TEX101: variants seen among roughly 807,000 people sequenced by gnomAD.
TEX101 encodes the protein testis-expressed protein 101.
TEX101 carries 10 observed loss-of-function variants against 18.1 expected under a neutral mutation model. The ratio of observed to expected loss-of-function variants is 0.55; its 90% CI spans 0.34 to 0.94. The LOEUF is 0.94. Among genes scored for constraint, TEX101 ranks in the 40% least tolerant of loss-of-function variants. The pLI, the probability that TEX101 is intolerant of heterozygous loss-of-function variation, is 0.02. For missense variants in TEX101, 259 were observed against 298.9 expected (o/e 0.87, Z 0.98); for synonymous variants, 94 against 114.8 (o/e 0.82, Z 1.16).
intron 3 of TEX101, among the ~76,000 whole-genome samples, chr19:43,407,562 G>A (rs1305369490): frequency 6.6e-6 from 1 of 152,180 alleles, no homozygotes; most frequent in Non-Finnish European, 1.5e-5. Flanking sequence ...GAGACAGGTT[G>A]ATTTCACGCT....
At position 43,418,336 on chromosome 19, in the gene TEX101, CT is replaced by C; in HGVS notation, c.690del (p.Val231PhefsTer48). ...AATGGGGCCACCTGTCTTCCCATTC[CT>C]GTTTGGGGGTTACAGCTACTGCTGC... ...TENGATCLPI[P>X]VWGLQLLLPL... On this transcript the variant is annotated frameshift_variant, in exon 6 of 6. Transcript: ENST00000598265. LOFTEE classifies it low-confidence loss of function (END_TRUNC). The C allele has an allele frequency of 6.2e-7, 1 of 1,614,164 alleles. No homozygotes were observed.
intron 3 of TEX101, among the ~76,000 whole-genome samples, chr19:43,407,532 G>A (rs1037299592): frequency 6.6e-6 from 1 of 152,066 alleles, no homozygotes; most frequent in African/African-American, 2.4e-5. Context: ...AAGAAAGCCG[G>A]AGCTGGGATT....
upstream of TEX101, among the ~76,000 whole-genome samples, chr19:43,414,337 G>T (rs1970447680): frequency 6.6e-6 from 1 of 152,106 alleles, no homozygotes; most frequent in South Asian, 2.1e-4. Context: ...TGATGCTGAG[G>T]GGGGCATTCC....
In TEX101 at chr19:43,418,250, A is replaced by G. The variant is rs553542181; in HGVS notation, c.603A>G (p.Gly201=). Residue 201 remains glycine (G), a synonymous_variant, in exon 6 of 6, where the codon GGA becomes GGG. Transcript: ENST00000598265. The part of the protein sequence containing the change: ...CRLMSGILAV[G]PMFVREACPH... ...TGATGTCTGGAATCTTAGCAGTAGG[A>G]CCCATGTTTGTGAGGGAAGCGTGCC... 1.5e-5 allele frequency: 25 copies of G among 1,614,164 alleles called. No individual in the cohort carries two copies. The South Asian group carries it at 2.7e-4, about 18-fold the overall frequency.
chr19:43,412,540 G>T (rs1256664053), upstream of TEX101, among the ~76,000 whole-genome samples: 3 of 152,130 alleles, frequency 2.0e-5, no homozygotes. Flanking sequence ...GGGTGCTTAG[G>T]CTTCCAAGGT....
At chr19:43,397,875 A>ATAT (rs1970283267), upstream of TEX101, among the ~76,000 whole-genome samples, 1 of 83,736 alleles carries the variant, frequency 1.2e-5, no homozygotes, top group African/African-American at 5.0e-5. Context: ...ATAATATATA[A>ATAT]AAATATATAT....
Position 43,417,909 on chromosome 19 carries a change from A to C in TEX101, c.423A>C (p.Pro141=). The change falls in exon 5 of 6, where the codon CCA becomes CCC. Residue 141 remains proline (P), a synonymous_variant. Transcript: ENST00000598265. The stretch of plus-strand genomic sequence containing the variant: ...CTGTGTCAACAACCCTCCATTGTCC[A>C]ACCTGTGTGGCTTTGGGGACCTGTT... ...ASTVSTTLHC[P]TCVALGTCFS... The C allele has an allele frequency of 1.2e-6, 2 of 1,614,020 alleles. No individual in the cohort carries two copies. Among genetic ancestry groups the C allele is most frequent in the Non-Finnish European group, 1.7e-6 (2 of 1,179,980 alleles).
intron 2 of TEX101, 38 bp from the exon 3 acceptor site, chr19:43,416,061 A>C: frequency 1.9e-6 from 3 of 1,608,978 alleles, no homozygotes; most frequent in Non-Finnish European, 2.5e-6. Flanking sequence ...GCCTTGGCCC[A>C]TGGAGAAGTG....
upstream of TEX101, among the ~76,000 whole-genome samples, chr19:43,400,342 G>C (rs1970308476): frequency 6.6e-6 from 1 of 152,156 alleles, no homozygotes; most frequent in Admixed American, 6.5e-5. Flanking sequence ...GCTAGAAAAA[G>C]ACATACTTTT....
At position 43,416,231 on chromosome 19, in the gene TEX101, T is replaced by C; in HGVS notation, c.197T>C (p.Ile66Thr). ...KGALCQETIL[I>T]IKAGTETAIL... ...GCACTTTGCCAGGAAACCATACTAA[T>C]AATTAAAGCAGGTGAAATGAGATGG... The change falls in exon 3 of 6, where the codon ATA becomes ACA. Residue 66 changes from isoleucine (I) to threonine (T), a missense_variant. Physicochemically the swap from Ile to Thr is moderately conservative, Grantham distance 89 (BLOSUM62 -1). Coordinates refer to ENST00000598265, the MANE Select transcript of TEX101 (RefSeq NM_001130011.3). The C allele has an allele frequency of 6.2e-7, 1 of 1,607,798 alleles. No individual in the cohort carries two copies. Among genetic ancestry groups the C allele is most frequent in the Non-Finnish European group, 8.5e-7 (1 of 1,177,402 alleles).
At chr19:43,402,330 A>G (rs764957422) in intron 1 of TEX101, among the ~76,000 whole-genome samples, 8 of 152,266 alleles carry the variant, frequency 5.3e-5, no homozygotes, top group African/African-American at 1.9e-4. Context: ...GATGTTGAAC[A>G]TGATTACATT....
upstream of TEX101, among the ~76,000 whole-genome samples, chr19:43,413,700 C>T (rs1280893956): frequency 6.6e-6 from 1 of 152,092 alleles, no homozygotes; most frequent in Admixed American, 6.6e-5. Flanking sequence ...CGTCTGTAAT[C>T]CCAGTACTCT....
Position 43,416,513 on chromosome 19 carries a change from A to G in TEX101, c.349A>G (p.Lys117Glu). 6.2e-7 allele frequency: 1 copy of G among 1,614,092 alleles called. No homozygotes were observed. Among genetic ancestry groups the G allele is most frequent in the Non-Finnish European group, 8.5e-7 (1 of 1,179,992 alleles). Residue 117 changes from lysine to glutamate, a missense_variant, in exon 4 of 6, where the codon AAA becomes GAA. Physicochemically the swap from Lys to Glu is moderately conservative, Grantham distance 56. Coordinates refer to ENST00000598265, the MANE Select transcript of TEX101 (RefSeq NM_001130011.3). The stretch of plus-strand genomic sequence containing the variant: ...CTGTGAGGATTCCTTCTGTAATGAC[A>G]AAGACAGCCTGTCTCAGTTTTGGGA... ...NYCEDSFCND[K>E]DSLSQFWEFS...
chr19:43,416,419 G>A lies in TEX101; in HGVS notation c.255G>A (p.Gly85=). The change falls in exon 4 of 6, where the codon GGG becomes GGA. Residue 85 remains glycine, a synonymous_variant. Transcript: ENST00000598265. ...ILATKGCIPE[G]EEAITIVQHS... ...CCACGAAGGGCTGCATCCCGGAAGG[G>A]GAGGAGGCCATAACAATTGTCCAGC... The A allele has an allele frequency of 6.2e-7, 1 of 1,614,138 alleles. No homozygotes were observed. Among genetic ancestry groups the A allele is most frequent in the South Asian group, 1.1e-5 (1 of 91,086 alleles).
rs754630071 is a variant in TEX101 at position 43,418,326 on chromosome 19, C to G, written c.679C>G (p.Leu227Val). Reference sequence around the variant, plus strand: ...AAAGACTGAAAATGGGGCCACCTGTCTTCCCATTCCTGTTTGGGGGTTACA... The same window carrying G: ...AAAGACTGAAAATGGGGCCACCTGTGTTCCCATTCCTGTTTGGGGGTTACA... ...PRKTENGATCLPIPVWGLQLL... is the reference protein window; with the variant it reads ...PRKTENGATCVPIPVWGLQLL... Residue 227 changes from leucine (L) to valine (V), a missense_variant, in exon 6 of 6, where the codon CTT (leucine) becomes GTT (valine). Transcript: ENST00000598265. 6.2e-7 allele frequency: 1 copy of G among 1,614,202 alleles called. No homozygotes were observed. The highest frequency in any genetic ancestry group is 8.5e-7 in the Non-Finnish European group (1 of 1,180,038).
chr19:43,412,442 C>T (rs947489632), upstream of TEX101, among the ~76,000 whole-genome samples: 10 of 152,184 alleles, frequency 6.6e-5, no homozygotes, highest in Admixed American at 1.3e-4. Flanking sequence ...GAGATTTGGG[C>T]GGGGGACAAA....
At chr19:43,389,820 C>A in the TEX101 span, among the ~76,000 whole-genome samples, 1 of 152,146 alleles carries the variant, frequency 6.6e-6, no homozygotes, top group African/African-American at 2.4e-5. Context: ...TCCTACATCT[C>A]TCTCTGCTGT....
chr19:43,414,613 A>G (rs1336248133), upstream of TEX101, among the ~76,000 whole-genome samples: 3 of 152,134 alleles, frequency 2.0e-5, no homozygotes, highest in Non-Finnish European at 4.4e-5. Context: ...ACAGAGTGCA[A>G]AAAGAGAAAT....
rs1015533304 is a variant in TEX101 at position 43,417,300 on chromosome 19, A to AAAAAAC, written c.392-560_392-555dup. 4.6e-5 allele frequency among the ~76,000 whole-genome samples: 7 copies of AAAAAAC among 151,908 alleles called. No individual in the cohort carries two copies. In the East Asian group the frequency reaches 9.6e-4, roughly 21 times the overall value. On this transcript the variant is annotated intron_variant, in intron 4 of 5. Coordinates refer to ENST00000598265, the MANE Select transcript of TEX101 (RefSeq NM_001130011.3). ...GCCAATCAAAATGGATTCTGGCCAT[A>AAAAAAC]AAAAACAAAAACAAAAACAAAAAAA... is the stretch of plus-strand genomic sequence containing the variant.
Sources: allele counts gnomAD v4.1 joint callset (sites outside exome capture counted in the v4.1 genomes callset), GRCh38; gene constraint gnomAD v4.1.1; transcripts MANE v1.5; gene names NCBI Gene and HGNC (gene_info 2026-07-23, HGNC 2026-07-21).